Variants in TFEC observed in about 807,000 individuals in gnomAD.
TFEC encodes the protein class E basic helix-loop-helix protein 34.
Under a neutral mutation model 41.6 loss-of-function variants are expected in TFEC, and 31 were observed. That is an observed-to-expected ratio of 0.74 (90% confidence interval 0.56 to 1.01). The LOEUF is 1.01. Among genes scored for constraint, TFEC ranks in the 50% least tolerant of loss-of-function variants. TFEC has a pLI of 0.00. For missense variants in TFEC, 402 were observed against 404.1 expected, an observed-to-expected ratio of 0.99 and a Z score of 0.04; for synonymous variants, 143 against 140.6, an observed-to-expected ratio of 1.02 and a Z score of -0.12.
rs565948762 is a variant in TFEC, at chr7:115,945,589, C to T, written c.516-3549G>A. 1.5e-4 allele frequency among the ~76,000 whole-genome samples: 23 copies of T among 151,764 alleles called. No individual in the cohort carries two copies. The South Asian group carries it at 1.9e-3, about 13-fold the overall frequency. On this transcript the variant is annotated intron_variant, in intron 6 of 7. Coordinates refer to ENST00000265440, the MANE Select transcript of TFEC (RefSeq NM_012252.4). ...AAGTGTCTTCTCTACCTGTGATATA[C>T]GGAAAAATCCACGTATAGACATATT...
At position 115,950,882 on chromosome 7, in the gene TFEC, A is replaced by G. The variant is rs764543907; in HGVS notation, c.507T>C (p.Ser169=). The G allele has an allele frequency of 6.2e-7, 1 of 1,602,978 alleles. No individual in the cohort carries two copies. Among genetic ancestry groups the G allele is most frequent in the Admixed American group, 1.7e-5 (1 of 58,912 alleles). Reference sequence around the variant, plus strand: ...ATGATTGTTGAACTCACGGATCATTAGACTTTGGAATAAGAGTGCCAAGCT... The same window carrying G: ...ATGATTGTTGAACTCACGGATCATTGGACTTTGGAATAAGAGTGCCAAGCT... ...IKELGTLIPK[S]NDPDMRWNKG... is the part of the protein sequence containing the mutation. Residue 169 remains serine, a synonymous_variant, in exon 6 of 8, where the codon TCT becomes TCC. Transcript: ENST00000265440.
At chr7:115,949,707 G>T (rs1791824566) in intron 6 of TFEC, among the ~76,000 whole-genome samples, 1 of 151,890 alleles carries the variant, frequency 6.6e-6, no homozygotes, top group African/African-American at 2.4e-5. Context: ...ATTCAAGATG[G>T]ATTAAAGACT....
At chr7:116,090,044 G>T (rs1797289417) in intron 3 of TFEC, among the ~76,000 whole-genome samples, 1 of 152,102 alleles carries the variant, frequency 6.6e-6, no homozygotes, top group Non-Finnish European at 1.5e-5. Flanking sequence ...TGACTTCCTA[G>T]AATGGAATTG....
chr7:116,102,606 T>C (rs1000147327), intron 3 of TFEC, among the ~76,000 whole-genome samples: 1 of 152,112 alleles, frequency 6.6e-6, no homozygotes. Flanking sequence ...ATAACAAAGA[T>C]GAAGGAGACA....
intron 3 of TFEC, among the ~76,000 whole-genome samples, chr7:116,103,683 G>A (rs184452922): frequency 1.1e-4 from 16 of 152,112 alleles, no homozygotes; most frequent in African/African-American, 3.6e-4. Flanking sequence ...TTATTCATTC[G>A]GTGGCAGCTA....
intron 3 of TFEC, among the ~76,000 whole-genome samples, chr7:116,087,432 T>G (rs1303809956): frequency 6.6e-6 from 1 of 152,014 alleles, no homozygotes; most frequent in Non-Finnish European, 1.5e-5. Context: ...CTATATTATG[T>G]CTATTCTACT....
intron 1 of TFEC, among the ~76,000 whole-genome samples, chr7:116,002,919 A>AAAT (rs1794653144): frequency 6.6e-6 from 1 of 152,206 alleles, no homozygotes; most frequent in Non-Finnish European, 1.5e-5. Flanking sequence ...TATAACTGAT[A>AAAT]TGTTAAGAAA....
intron 1 of TFEC, among the ~76,000 whole-genome samples, chr7:116,003,153 G>A (rs1010934513): frequency 2.0e-5 from 3 of 151,980 alleles, no homozygotes; most frequent in Non-Finnish European, 4.4e-5. Flanking sequence ...TACTTTAGAT[G>A]AAATGACACA....
At chr7:116,048,404 A>C (rs1415595864) in intron 3 of TFEC, among the ~76,000 whole-genome samples, 1 of 152,260 alleles carries the variant, frequency 6.6e-6, no homozygotes, top group South Asian at 2.1e-4. Context: ...AAATGAATGA[A>C]ATGAAGCAAC....
intron 1 of TFEC, chr7:116,117,638 C>A (rs918217939): frequency 4.6e-5 from 7 of 151,776 alleles, no homozygotes; most frequent in African/African-American, 1.4e-4. Flanking sequence ...CAATCTTTAA[C>A]CCTTTCCCTA....
chr7:115,994,525 C>G (rs566658530), intron 1 of TFEC, among the ~76,000 whole-genome samples: 2 of 152,258 alleles, frequency 1.3e-5, no homozygotes, highest in Admixed American at 1.3e-4. Context: ...AATCAAACAA[C>G]CCCATCAAAA....
At chr7:116,133,480 G>A (rs1798374589) in intron 1 of TFEC, among the ~76,000 whole-genome samples, 1 of 151,308 alleles carries the variant, frequency 6.6e-6, no homozygotes, top group Non-Finnish European at 1.5e-5. Context: ...ACATTGCAGT[G>A]AGCTGAGATC....
chr7:116,106,159 T>A (rs944811507), intron 3 of TFEC, among the ~76,000 whole-genome samples: 1 of 152,084 alleles, frequency 6.6e-6, no homozygotes, highest in African/African-American at 2.4e-5. Context: ...TTAAAGAATA[T>A]CTCTTATTTT....
rs575677832 is a variant in TFEC at position 115,989,681 on chromosome 7, G to A, written c.-72-5168C>T. ...GCGGCAGCGAGGCTTGGGGAGGGCC[G>A]TCCACCATTACTGAGGCTTGACTAG... On this transcript the variant is annotated intron_variant, in intron 1 of 7. Coordinates refer to ENST00000265440, the MANE Select transcript of TFEC (RefSeq NM_012252.4). Among the ~76,000 whole-genome samples, 6 of 152,288 alleles carry A rather than the reference G, an allele frequency of 3.9e-5. No homozygotes were observed. The South Asian group carries it at 6.2e-4, about 16-fold the overall frequency.
At chr7:116,110,148 C>T (rs570484175) in intron 3 of TFEC, among the ~76,000 whole-genome samples, 1 of 152,108 alleles carries the variant, frequency 6.6e-6, no homozygotes, top group African/African-American at 2.4e-5. Context: ...ATGGGTGCAG[C>T]GCACCAACAT....
chr7:116,022,150 T>C (rs1795420952), intron 1 of TFEC, among the ~76,000 whole-genome samples: 1 of 152,164 alleles, frequency 6.6e-6, no homozygotes, highest in African/African-American at 2.4e-5. Flanking sequence ...GATAAGGGAA[T>C]GGGCTCACCA....
At chr7:116,085,642 AGTTT>A (rs996593214) in intron 3 of TFEC, among the ~76,000 whole-genome samples, 13 of 152,024 alleles carry the variant, frequency 8.6e-5, no homozygotes, top group Admixed American at 2.6e-4. Flanking sequence ...AGATTTTTTA[AGTTT>A]GTTTATAGAT....
At chr7:116,064,005 C>T (rs903703300) in intron 3 of TFEC, among the ~76,000 whole-genome samples, 1 of 152,006 alleles carries the variant, frequency 6.6e-6, no homozygotes, top group Non-Finnish European at 1.5e-5. Flanking sequence ...TGAATGATCT[C>T]ACTTATATAG....
chr7:115,968,344 C>T, intron 3 of TFEC: 1 of 1,436,832 alleles, frequency 7.0e-7, no homozygotes, highest in African/African-American at 1.4e-5. Context: ...GACTTTAAGA[C>T]TAATCTTGTC....
Sources: allele counts gnomAD v4.1 joint callset (sites outside exome capture counted in the v4.1 genomes callset), GRCh38; gene constraint gnomAD v4.1.1; transcripts MANE v1.5; gene names NCBI Gene and HGNC (gene_info 2026-07-23, HGNC 2026-07-21).